The following ACO2 variants were observed in gnomAD, a reference collection of about 807,000 sequenced individuals.
The protein encoded by ACO2 is aconitase 2, also known as aconitate hydratase, mitochondrial.
Under a neutral mutation model 84.5 loss-of-function variants are expected in ACO2, and 31 were observed. That is an observed-to-expected ratio of 0.37 (90% CI 0.28 to 0.50). The LOEUF (loss-of-function observed/expected upper bound fraction) is 0.50, where lower values mean the gene tolerates loss of function less well. Among genes scored for constraint, ACO2 ranks in the 20% least tolerant of loss-of-function variants. The pLI, the probability that ACO2 is intolerant of heterozygous loss-of-function variation, is 0.97. For missense variants in ACO2, 685 were observed against 1,029.3 expected (o/e 0.67, Z 4.58); for synonymous variants, 414 against 412.7 (o/e 1.00, Z -0.04).
At chr22:41,474,095 A>T (rs539381468) in intron 1 of ACO2, among the ~76,000 whole-genome samples, 1 of 152,126 alleles carries the variant, frequency 6.6e-6, no homozygotes, top group Non-Finnish European at 1.5e-5. Context: ...TCATCCCAGG[A>T]ATGGCAGAGG....
At chr22:41,490,696 A>G (rs527381636) in intron 1 of ACO2, among the ~76,000 whole-genome samples, 23 of 152,340 alleles carry the variant, frequency 1.5e-4, no homozygotes, top group Admixed American at 5.2e-4. Context: ...ACCTCTTTAC[A>G]GTCTAACTAA....
rs549853349 is a variant in ACO2 at position 41,527,396 on chromosome 22, A to T, written c.2062A>T (p.Thr688Ser). The T allele has an allele frequency of 1.3e-5, 21 of 1,612,980 alleles. No individual in the cohort carries two copies. The African/African-American group carries it at 2.3e-4, about 17-fold the overall frequency. Reference protein sequence around the residue: ...PRHLGGRAIITKSFARIHETN... With the variant: ...PRHLGGRAIISKSFARIHETN... Reference sequence around the variant, plus strand: ...CCACCTTGGGGGCCGGGCCATCATCACCAAGAGCTTTGCCAGGATCCACGG... The same window carrying T: ...CCACCTTGGGGGCCGGGCCATCATCTCCAAGAGCTTTGCCAGGATCCACGG... Residue 688 changes from threonine (T) to serine (S), a missense_variant, in exon 16 of 18, where the codon ACC becomes TCC. Transcript: ENST00000216254.
chr22:41,516,340 G>A (rs1016901597), intron 6 of ACO2, among the ~76,000 whole-genome samples: 1 of 152,222 alleles, frequency 6.6e-6, no homozygotes, highest in African/African-American at 2.4e-5. Flanking sequence ...GCTGAAGTTC[G>A]AGCCTCACTC....
At chr22:41,519,548 G>A (rs754076605) in intron 8 of ACO2, among the ~76,000 whole-genome samples, 2 of 152,134 alleles carry the variant, frequency 1.3e-5, no homozygotes, top group Non-Finnish European at 2.9e-5. Context: ...GCTGACACCT[G>A]TAATCCCAGC....
Position 41,522,111 on chromosome 22 carries a change from T to C in ACO2, c.1139-719T>C, listed in dbSNP as rs531976674. Among the ~76,000 whole-genome samples, 3 of 152,272 alleles carry C rather than the reference T, an allele frequency of 2.0e-5. No homozygotes were observed. In the East Asian group the frequency reaches 5.8e-4, roughly 29 times the overall value. On this transcript the variant is annotated intron_variant, in intron 9 of 17. Transcript: ENST00000216254. ...TGAGAGGCTGAGGCAGGAGGATCATTTGATCCCAGGAGTTCAAGAGCAGCC... is the reference window on the plus strand; with the variant it reads ...TGAGAGGCTGAGGCAGGAGGATCATCTGATCCCAGGAGTTCAAGAGCAGCC...
At position 41,515,272 on chromosome 22, in the gene ACO2, TG is replaced by T. The variant is rs1246526240; in HGVS notation, c.526-102del. 4 of 1,363,226 alleles carry T rather than the reference TG, an allele frequency of 2.9e-6. No homozygotes were observed. In the Admixed American group the frequency reaches 5.1e-5, roughly 17 times the overall value. The allele number at this position is 1,363,226 out of a possible 1,614,324, so 84.4% of individuals were successfully genotyped here. On this transcript the variant is annotated intron_variant, in intron 4 of 17. Coordinates refer to ENST00000216254, the MANE Select transcript of ACO2 (RefSeq NM_001098.3). This position sits in a 1 kb window ranked among gnomAD's most constrained non-coding sequence, Gnocchi z 5.8. ...GGGGCTGCTCCTACCAGTTCCATCC[TG>T]GGAGAGTGGCTGGACGTGGTTGGGA...
In ACO2 at chr22:41,474,905, G is replaced by A. The variant is rs2037994516; in HGVS notation, c.36+5723G>A. 2.0e-5 allele frequency among the ~76,000 whole-genome samples: 3 copies of A among 151,998 alleles called. No homozygotes were observed. In the South Asian group the frequency reaches 6.2e-4, roughly 32 times the overall value. Reference sequence around the variant, plus strand: ...TGAGCCACTGCACCCGGCCTGCACAGTACTTATAAAAATTAGCTAAGGGCA... The same window carrying A: ...TGAGCCACTGCACCCGGCCTGCACAATACTTATAAAAATTAGCTAAGGGCA... On this transcript the variant is annotated intron_variant, in intron 1 of 17. Coordinates refer to ENST00000216254, the MANE Select transcript of ACO2 (RefSeq NM_001098.3).
chr22:41,478,896 A>T (rs571605951), intron 1 of ACO2, among the ~76,000 whole-genome samples: 1 of 150,696 alleles, frequency 6.6e-6, no homozygotes, highest in South Asian at 2.1e-4. Flanking sequence ...TCAGCCTCCC[A>T]AGTAGCTGGG....
chr22:41,508,044 G>T lies in ACO2; in HGVS notation c.427G>T (p.Ala143Ser). The change falls in exon 3 of 18, where the codon GCC becomes TCC. Residue 143 changes from alanine to serine, a missense_variant. Ala to Ser is a moderately conservative substitution (Grantham distance 99, BLOSUM62 1). Transcript: ENST00000216254. ...TGGGGGCGAGAAAGACCTGCGCCGGGCCAAGGTGAGCAGAAGGTGGCTTTG... is the reference window on the plus strand; with the variant it reads ...TGGGGGCGAGAAAGACCTGCGCCGGTCCAAGGTGAGCAGAAGGTGGCTTTG... Reference protein sequence around the residue: ...QVGGEKDLRRAKDINQEVYNF... With the variant: ...QVGGEKDLRRSKDINQEVYNF... 1 of 1,608,246 alleles carries T rather than the reference G, an allele frequency of 6.2e-7. No homozygotes were observed. The highest frequency in any genetic ancestry group is 8.5e-7 in the Non-Finnish European group (1 of 1,175,234).
rs1204535652 is a variant in ACO2, at chr22:41,517,646, G to A, written c.940+15G>A. 2 of 1,609,168 alleles carry A rather than the reference G, an allele frequency of 1.2e-6. No homozygotes were observed. Among genetic ancestry groups the A allele is most frequent in the Non-Finnish European group, 8.5e-7 (1 of 1,176,074 alleles). On this transcript the variant is annotated intron_variant, in intron 7 of 17. Coordinates refer to ENST00000216254, the MANE Select transcript of ACO2 (RefSeq NM_001098.3). ...CGGCCGGGAAGGTGAGCTGGCAGGG[G>A]CAGGCCCGTGTGGGTGGAACAGTCA...
At chr22:41,519,581 A>G (rs2066505177) in intron 8 of ACO2, among the ~76,000 whole-genome samples, 1 of 152,066 alleles carries the variant, frequency 6.6e-6, no homozygotes, top group African/African-American at 2.4e-5. Flanking sequence ...CGAGGCGGGC[A>G]GATCATGAGG....
intron 1 of ACO2, among the ~76,000 whole-genome samples, chr22:41,484,852 C>T (rs2038132499): frequency 1.4e-5 from 2 of 147,816 alleles, no homozygotes; most frequent in South Asian, 4.3e-4. Context: ...AGTGACAGAG[C>T]TGGGCTTTGG....
chr22:41,524,816 T>C (rs2066564772), intron 12 of ACO2, 30 bp from the exon 13 acceptor site: 2 of 1,614,014 alleles, frequency 1.2e-6, no homozygotes, highest in African/African-American at 1.3e-5. Flanking sequence ...CAATTGGTGC[T>C]GACCAACAAA....
chr22:41,523,316 C>G (rs1258511250), intron 11 of ACO2, 38 bp downstream of exon 11: 2 of 1,523,012 alleles, frequency 1.3e-6, no homozygotes, highest in East Asian at 4.5e-5. Flanking sequence ...GCCCCTTGTG[C>G]ACAGGGTACA....
At chr22:41,486,885 C>T (rs565811220) in intron 1 of ACO2, among the ~76,000 whole-genome samples, 1 of 149,928 alleles carries the variant, frequency 6.7e-6, no homozygotes, top group Non-Finnish European at 1.5e-5. Flanking sequence ...AGCTGCTTTT[C>T]TTTTGTTTTC....
At chr22:41,495,659 C>T (rs1397680735) in intron 1 of ACO2, among the ~76,000 whole-genome samples, 3 of 146,934 alleles carry the variant, frequency 2.0e-5, no homozygotes, top group Admixed American at 6.8e-5. Flanking sequence ...CTTGCTCTGT[C>T]GTCCAGGCTG....
At chr22:41,509,536 T>C (rs374357823) in intron 3 of ACO2, among the ~76,000 whole-genome samples, 3 of 152,182 alleles carry the variant, frequency 2.0e-5, no homozygotes, top group African/African-American at 7.2e-5. Flanking sequence ...GAGAGCTTCT[T>C]TGAGGATGTG....
intron 6 of ACO2, among the ~76,000 whole-genome samples, chr22:41,516,748 A>C (rs2066478842): frequency 6.6e-6 from 1 of 152,068 alleles, no homozygotes; most frequent in Non-Finnish European, 1.5e-5. Context: ...TTTGAGACAG[A>C]GTCTAACTCT....
Position 41,515,484 on chromosome 22 carries a change from C to T in ACO2, c.633C>T (p.Ala211=), listed in dbSNP as rs1049859. Residue 211 remains alanine (A), a synonymous_variant, in exon 5 of 18, where the codon GCC becomes GCT. Transcript: ENST00000216254. This position sits in a 1 kb window ranked among gnomAD's most constrained non-coding sequence, Gnocchi z 5.8. ...LGGICIGVGG[A]DAVDVMAGIP... ...GCATCTGCATTGGAGTTGGGGGTGC[C>T]GATGCTGTGGATGTCATGGCTGGGA... The T allele has an allele frequency of 1.1e-4, 172 of 1,613,720 alleles. 1 individual carries two copies. Among genetic ancestry groups the T allele is most frequent in the East Asian group, 3.6e-4 (16 of 44,880 alleles).
Sources: gnomAD v4.1 joint callset for allele counts (sites outside exome capture counted in the v4.1 genomes callset) on GRCh38, gnomAD v4.1.1 for gene constraint, Gnocchi (gnomAD v3.1) non-coding constraint, MANE v1.5 for transcripts, NCBI Gene and HGNC (gene_info 2026-07-23, HGNC 2026-07-21) for gene names.